Variants in SPTBN1 observed in about 807,000 individuals in gnomAD.
The protein encoded by SPTBN1 is spectrin beta, non-erythrocytic 1.
SPTBN1 carries 32 observed loss-of-function variants against 266.4 expected under a neutral mutation model. That is an observed-to-expected ratio of 0.12 (90% CI 0.09 to 0.16). The LOEUF (loss-of-function observed/expected upper bound fraction) is 0.16, where lower values mean the gene tolerates loss of function less well. Among genes scored for constraint, SPTBN1 ranks in the 10% least tolerant of loss-of-function variants. The probability of loss-of-function intolerance (pLI) is 1.00; values close to 1 mark genes in which losing one functional copy is unlikely to be tolerated. For synonymous variants in SPTBN1, 1,336 were observed against 1,162.2 expected (o/e 1.15, Z -3.04); for missense variants, 2,296 against 3,067.1 (o/e 0.75, Z 5.94).
At chr2:54,608,326 C>G (rs1676987342) in intron 3 of SPTBN1, among the ~76,000 whole-genome samples, 1 of 152,130 alleles carries the variant, frequency 6.6e-6, no homozygotes, top group African/African-American at 2.4e-5. Flanking sequence ...GTGGTCCAGC[C>G]TGTTAGTTGT....
At chr2:54,610,237 C>T (rs530931002) in intron 3 of SPTBN1, among the ~76,000 whole-genome samples, 1 of 152,198 alleles carries the variant, frequency 6.6e-6, no homozygotes, top group East Asian at 1.9e-4. Context: ...TGAGGGCTAC[C>T]CAATTAAAAA....
intron 33 of SPTBN1, among the ~76,000 whole-genome samples, chr2:54,665,006 C>T (rs191888800): frequency 1.3e-5 from 2 of 152,272 alleles, no homozygotes; most frequent in African/African-American, 4.8e-5. Context: ...TTTAGGACTC[C>T]TTGTGGGTTT....
intron 2 of SPTBN1, among the ~76,000 whole-genome samples, chr2:54,565,651 A>T (rs1173655711): frequency 1.3e-5 from 2 of 152,224 alleles, no homozygotes; most frequent in African/African-American, 4.8e-5. Context: ...AAAAAACAAA[A>T]ATCCCAGCAA....
rs557811196 is a variant in SPTBN1, at chr2:54,640,003, C to T, written c.3858+2200C>T. Among the ~76,000 whole-genome samples, 6 of 152,046 alleles carry T rather than the reference C, an allele frequency of 3.9e-5. No homozygotes were observed. In the East Asian group the frequency reaches 7.7e-4, roughly 20 times the overall value. ...CAGCCATAGTGTCTGTGGGAGGTGT[C>T]GGGTGTCCCACACCAGCATGTATAG... On this transcript the variant is annotated intron_variant, in intron 18 of 35. Transcript: ENST00000356805.
chr2:54,568,566 G>C (rs1673834130), intron 2 of SPTBN1, among the ~76,000 whole-genome samples: 1 of 152,142 alleles, frequency 6.6e-6, no homozygotes, highest in Non-Finnish European at 1.5e-5. Flanking sequence ...AAGATTACAG[G>C]GCTTTAAAAC....
At chr2:54,524,307 C>T (rs1481013283) in intron 1 of SPTBN1, among the ~76,000 whole-genome samples, 3 of 152,186 alleles carry the variant, frequency 2.0e-5, no homozygotes, top group African/African-American at 4.8e-5. Flanking sequence ...AGATTAACAA[C>T]TTACTTAGAT....
rs758305163 is a variant in SPTBN1, at chr2:54,630,849, T to C, written c.2808-6T>C. ...TCACACTCGCTGTCTGCCCCTGCACTCACAGGTGGAGCCAGTTCAGAGAAC... is the reference window on the plus strand; with the variant it reads ...TCACACTCGCTGTCTGCCCCTGCACCCACAGGTGGAGCCAGTTCAGAGAAC... On this transcript the variant is annotated splice_polypyrimidine_tract_variant and splice_region_variant and intron_variant, in intron 15 of 35. Transcript: ENST00000356805. 2 of 1,564,688 alleles carry C rather than the reference T, an allele frequency of 1.3e-6. No individual in the cohort carries two copies. Among genetic ancestry groups the C allele is most frequent in the Non-Finnish European group, 1.7e-6 (2 of 1,153,584 alleles).
intron 11 of SPTBN1, 139 bp downstream of exon 11, chr2:54,625,101 T>C (rs1678240579): frequency 3.1e-6 from 3 of 970,302 alleles, no homozygotes. Flanking sequence ...CCTTGGCCCC[T>C]TCCCATTAAG....
intron 2 of SPTBN1, among the ~76,000 whole-genome samples, chr2:54,545,771 G>T (rs559636804): frequency 6.6e-6 from 1 of 151,952 alleles, no homozygotes; most frequent in South Asian, 2.1e-4. Context: ...AAAAACAAGG[G>T]GGTGGGCTGG....
chr2:54,484,439 CTT>C (rs926857555), intron 1 of SPTBN1, among the ~76,000 whole-genome samples: 4 of 152,176 alleles, frequency 2.6e-5, no homozygotes, highest in Admixed American at 6.5e-5. Flanking sequence ...ACATTTCACA[CTT>C]TTATTTTGCC....
rs368776401 is a variant in SPTBN1 at position 54,523,627 on chromosome 2, G to T, written c.-47-2745G>T. On this transcript the variant is annotated intron_variant, in intron 1 of 35. Transcript: ENST00000356805. ...ATGTGGCATGTGTGGTTATGTGCTGGAACTTTTAAAAAGCTGCATTTCAAG... is the reference window on the plus strand; with the variant it reads ...ATGTGGCATGTGTGGTTATGTGCTGTAACTTTTAAAAAGCTGCATTTCAAG... 2.4e-4 allele frequency among the ~76,000 whole-genome samples: 36 copies of T among 152,326 alleles called. No individual in the cohort carries two copies. The South Asian group carries it at 3.9e-3, about 17-fold the overall frequency.
chr2:54,654,435 G>T (rs527300290), intron 27 of SPTBN1, among the ~76,000 whole-genome samples: 33 of 152,262 alleles, frequency 2.2e-4, no homozygotes, highest in African/African-American at 7.9e-4. Flanking sequence ...TTAACCTCCA[G>T]TTCACCCCTC....
intron 1 of SPTBN1, among the ~76,000 whole-genome samples, chr2:54,509,983 G>A (rs1302795192): frequency 6.7e-6 from 1 of 149,960 alleles, no homozygotes; most frequent in Non-Finnish European, 1.5e-5. Flanking sequence ...TAATGATAAG[G>A]GGTCTCACTC....
At chr2:54,465,585 A>G (rs1366844296) in intron 1 of SPTBN1, among the ~76,000 whole-genome samples, 3 of 148,518 alleles carry the variant, frequency 2.0e-5, no homozygotes, top group Non-Finnish European at 4.5e-5. Context: ...ATTCCTGTGC[A>G]ATGTTATATT....
chr2:54,594,680 G>T (rs1480591519), intron 2 of SPTBN1, among the ~76,000 whole-genome samples: 1 of 152,056 alleles, frequency 6.6e-6, no homozygotes, highest in Admixed American at 6.5e-5. Context: ...ACAACCTTCT[G>T]CCACACACAC....
At chr2:54,498,950 G>C (rs569241882) in intron 1 of SPTBN1, among the ~76,000 whole-genome samples, 5 of 129,338 alleles carry the variant, frequency 3.9e-5, no homozygotes, top group South Asian at 5.1e-4. Flanking sequence ...GTAGGGTAAA[G>C]GTGTAGATGT....
At chr2:54,504,904 G>A (rs1373357803) in intron 1 of SPTBN1, among the ~76,000 whole-genome samples, 1 of 152,170 alleles carries the variant, frequency 6.6e-6, no homozygotes, top group Non-Finnish European at 1.5e-5. Flanking sequence ...TGCAGAAGCT[G>A]TTTTGAGAAC....
chr2:54,656,543 A>G (rs1680672796), intron 29 of SPTBN1, among the ~76,000 whole-genome samples: 1 of 152,246 alleles, frequency 6.6e-6, no homozygotes, highest in African/African-American at 2.4e-5. Context: ...TACAGGGTTT[A>G]TAATGTACAG....
intron 2 of SPTBN1, among the ~76,000 whole-genome samples, chr2:54,577,102 G>T (rs1674541244): frequency 6.6e-6 from 1 of 152,042 alleles, no homozygotes; most frequent in Admixed American, 6.6e-5. Context: ...TATTAGTTGG[G>T]GGTTTTGCCT....
Sources: allele counts gnomAD v4.1 joint callset (sites outside exome capture counted in the v4.1 genomes callset), GRCh38; gene constraint gnomAD v4.1.1; transcripts MANE v1.5; gene names NCBI Gene and HGNC (gene_info 2026-07-23, HGNC 2026-07-21).